The following ZNF536 variants were observed in gnomAD, a reference collection of about 807,000 sequenced individuals.
The protein encoded by ZNF536 is zinc finger protein 536.
A neutral mutation model predicts 84.5 loss-of-function variants in ZNF536; 13 were observed. That is an observed-to-expected ratio of 0.15 (90% CI 0.10 to 0.24). The LOEUF is 0.24. Ranked by LOEUF, ZNF536 falls within the 10% of genes least tolerant of loss-of-function variation. The pLI is 1.00. For missense variants in ZNF536, 1,536 were observed against 1,747.5 expected (o/e 0.88, Z 2.16); for synonymous variants, 811 against 742.5 (o/e 1.09, Z -1.50).
At chr19:30,497,933 G>T (rs895064368) in intron 2 of ZNF536, among the ~76,000 whole-genome samples, 1 of 152,116 alleles carries the variant, frequency 6.6e-6, no homozygotes, top group East Asian at 1.9e-4. Context: ...TAATCAATTA[G>T]CCATGTACCT....
At chr19:30,298,795 T>G (rs2046088583) in intron 2 of ZNF536, among the ~76,000 whole-genome samples, 1 of 152,176 alleles carries the variant, frequency 6.6e-6, no homozygotes, top group Non-Finnish European at 1.5e-5. Context: ...TAAACCTAAA[T>G]TTTAGTGGGT....
intron 1 of ZNF536, among the ~76,000 whole-genome samples, chr19:30,261,796 T>C (rs1342428323): frequency 6.6e-6 from 1 of 151,592 alleles, no homozygotes; most frequent in Non-Finnish European, 1.5e-5. Flanking sequence ...CACAAAGTTA[T>C]GGTGGGAACT....
At chr19:30,284,435 G>A (rs561557561) in intron 2 of ZNF536, among the ~76,000 whole-genome samples, 1 of 152,332 alleles carries the variant, frequency 6.6e-6, no homozygotes, top group African/African-American at 2.4e-5. Context: ...CCAGCAGCCT[G>A]GAACCAGGGC....
intron 1 of ZNF536, among the ~76,000 whole-genome samples, chr19:30,237,584 A>T (rs150895377): frequency 6.6e-6 from 1 of 152,210 alleles, no homozygotes; most frequent in African/African-American, 2.4e-5. Context: ...AATCTCTATC[A>T]TCAACGGACT....
chr19:30,333,794 T>C (rs2047292832), intron 2 of ZNF536, among the ~76,000 whole-genome samples: 1 of 152,200 alleles, frequency 6.6e-6, no homozygotes, highest in Non-Finnish European at 1.5e-5. Flanking sequence ...GGGCTGTGCC[T>C]GTGTTGACAC....
chr19:30,494,240 T>C (rs959442153), intron 2 of ZNF536, among the ~76,000 whole-genome samples: 1 of 152,184 alleles, frequency 6.6e-6, no homozygotes, highest in Non-Finnish European at 1.5e-5. Flanking sequence ...AGGGGGACCG[T>C]AGGCCCCTGG....
At chr19:30,566,550 G>A (rs919065266) in intron 1 of ZNF536, among the ~76,000 whole-genome samples, 14 of 152,256 alleles carry the variant, frequency 9.2e-5, no homozygotes, top group Non-Finnish European at 1.5e-4. Flanking sequence ...GCAGCATCTT[G>A]TCACACCTAA....
intron 1 of ZNF536, among the ~76,000 whole-genome samples, chr19:30,577,373 T>G (rs770165787): frequency 6.6e-5 from 10 of 152,066 alleles, no homozygotes; most frequent in Non-Finnish European, 1.2e-4. Flanking sequence ...TTCTTGGGGG[T>G]TGGGGTAATA....
intron 1 of ZNF536, among the ~76,000 whole-genome samples, chr19:30,403,873 A>T (rs893222789): frequency 1.3e-5 from 2 of 152,180 alleles, no homozygotes; most frequent in Non-Finnish European, 2.9e-5. Flanking sequence ...GGATGGTCAC[A>T]TAGTAGGCTC....
At chr19:30,641,730 A>G (rs1306014263) in intron 1 of ZNF536, among the ~76,000 whole-genome samples, 1 of 152,190 alleles carries the variant, frequency 6.6e-6, no homozygotes, top group African/African-American at 2.4e-5. Flanking sequence ...ACTTAATTTT[A>G]AACCTCAGAT....
intron 1 of ZNF536, among the ~76,000 whole-genome samples, chr19:30,642,261 G>A (rs1252382206): frequency 6.6e-6 from 1 of 152,068 alleles, no homozygotes; most frequent in Non-Finnish European, 1.5e-5. Flanking sequence ...ATTGTATATT[G>A]GAAATCTTTT....
At chr19:30,652,606 T>C (rs1321302942) in intron 1 of ZNF536, among the ~76,000 whole-genome samples, 1 of 152,062 alleles carries the variant, frequency 6.6e-6, no homozygotes, top group Non-Finnish European at 1.5e-5. Flanking sequence ...TTCTAAGGAG[T>C]GAATGAGCCC....
At chr19:30,651,761 G>T (rs1030254596) in intron 1 of ZNF536, among the ~76,000 whole-genome samples, 14 of 152,192 alleles carry the variant, frequency 9.2e-5, no homozygotes, top group African/African-American at 3.4e-4. Context: ...CCCACACTGT[G>T]TTGAAAAATT....
At chr19:30,350,769 G>A (rs942112346) in intron 2 of ZNF536, among the ~76,000 whole-genome samples, 16 of 152,152 alleles carry the variant, frequency 1.1e-4, no homozygotes, top group African/African-American at 3.9e-4. Context: ...TTTGTTCTGT[G>A]CCACAAATAT....
intron 1 of ZNF536, among the ~76,000 whole-genome samples, chr19:30,235,078 T>C (rs935402175): frequency 6.6e-6 from 1 of 152,190 alleles, no homozygotes; most frequent in Non-Finnish European, 1.5e-5. Flanking sequence ...GGCCACAACA[T>C]TGACACCTGC....
At chr19:30,567,300 G>A (rs117102659) in intron 1 of ZNF536, among the ~76,000 whole-genome samples, 5 of 152,286 alleles carry the variant, frequency 3.3e-5, no homozygotes, top group Non-Finnish European at 7.3e-5. Context: ...CTTGGAGCGC[G>A]TGGGCGGGGC....
At chr19:30,326,466 A>G (rs1346962602) in intron 2 of ZNF536, among the ~76,000 whole-genome samples, 2 of 152,184 alleles carry the variant, frequency 1.3e-5, no homozygotes, top group Non-Finnish European at 2.9e-5. Context: ...CGTGGTAGGG[A>G]ACAAGTGTCC....
chr19:30,270,123 C>T (rs531937321), intron 1 of ZNF536, among the ~76,000 whole-genome samples: 61 of 152,286 alleles, frequency 4.0e-4, no homozygotes, highest in African/African-American at 1.4e-3. Context: ...GCTGGTCTGT[C>T]GCAGGGCCTA....
intron 2 of ZNF536, among the ~76,000 whole-genome samples, chr19:30,514,744 A>C (rs906658473): frequency 2.0e-5 from 3 of 151,948 alleles, no homozygotes; most frequent in African/African-American, 7.3e-5. Flanking sequence ...CTCCACATCC[A>C]GAAACTCTTC....
Sources: gnomAD v4.1 joint callset for allele counts (sites outside exome capture counted in the v4.1 genomes callset) on GRCh38, gnomAD v4.1.1 for gene constraint, MANE v1.5 for transcripts, NCBI Gene and HGNC (gene_info 2026-07-23, HGNC 2026-07-21) for gene names.